POLR3B: variants seen among roughly 807,000 people sequenced by gnomAD.
POLR3B encodes DNA-directed RNA polymerase III subunit RPC2.
Under a neutral mutation model 147.4 loss-of-function variants are expected in POLR3B, and 96 were observed. The observed-to-expected ratio is 0.65, with a 90% confidence interval of 0.55 to 0.77. The LOEUF is 0.77. Among genes scored for constraint, POLR3B ranks in the 30% least tolerant of loss-of-function variants. The pLI, the probability that POLR3B is intolerant of heterozygous loss-of-function variation, is 0.00. For missense variants in POLR3B, 1,036 were observed against 1,413.5 expected, an observed-to-expected ratio of 0.73 and a Z score of 4.28; for synonymous variants, 461 against 485.9, an observed-to-expected ratio of 0.95 and a Z score of 0.67.
chr12:106,427,768 A>G (rs950470538), intron 13 of POLR3B, among the ~76,000 whole-genome samples: 2 of 152,186 alleles, frequency 1.3e-5, no homozygotes. Context: ...AAGACCTATC[A>G]GCTGTTCCTC....
chr12:106,507,641 G>T, intron 27 of POLR3B: 1 of 337,312 alleles, frequency 3.0e-6, no homozygotes, highest in Non-Finnish European at 5.8e-6. Context: ...GTTTGTATTT[G>T]TACTGTTAAC....
chr12:106,428,121 TGAG>T (rs1180413102), intron 13 of POLR3B, among the ~76,000 whole-genome samples: 1 of 152,194 alleles, frequency 6.6e-6, no homozygotes, highest in African/African-American at 2.4e-5. Context: ...CATCTAAATT[TGAG>T]GAGAACCAGG....
At position 106,370,614 on chromosome 12, in the gene POLR3B, G is replaced by GT. The variant is rs939145316; in HGVS notation, c.404+939dup. 3.9e-3 allele frequency among the ~76,000 whole-genome samples: 564 copies of GT among 145,278 alleles called. 5 individuals carry two copies. The highest frequency in any genetic ancestry group is 0.012 in the African/African-American group (461 of 39,522). On this transcript the variant is annotated intron_variant, in intron 6 of 27. Transcript: ENST00000228347. The stretch of plus-strand genomic sequence containing the variant: ...GGTTTTAGCAGGACTGTTTATCAGT[G>GT]TTTTTTTTGTTTTATTGTTTTTTTT...
chr12:106,361,431 A>C (rs774389216), intron 1 of POLR3B, among the ~76,000 whole-genome samples: 1 of 152,134 alleles, frequency 6.6e-6, no homozygotes, highest in Non-Finnish European at 1.5e-5. Context: ...TTAATTTTGG[A>C]CATACTGATC....
chr12:106,478,152 C>A (rs1015376942), intron 23 of POLR3B, among the ~76,000 whole-genome samples: 6 of 151,972 alleles, frequency 3.9e-5, no homozygotes, highest in Non-Finnish European at 8.8e-5. Flanking sequence ...GGCAATCCAT[C>A]CACCTCAGCC....
intron 27 of POLR3B, among the ~76,000 whole-genome samples, chr12:106,505,189 A>C (rs1204867146): frequency 1.3e-5 from 2 of 152,140 alleles, no homozygotes; most frequent in Non-Finnish European, 2.9e-5. Context: ...TTCCACTCTC[A>C]CCAGAGAAGA....
chr12:106,459,357 T>A lies in POLR3B; in HGVS notation c.2559T>A (p.Asp853Glu), dbSNP rs1366823798. The change falls in exon 22 of 28, where the codon GAT becomes GAA. Residue 853 changes from aspartate to glutamate, a missense_variant. Transcript: ENST00000228347. Reference sequence around the variant, plus strand: ...TACCACAGCAACCACAGTACAAAGATGTACCCATAACGTATGTATTGGTTG... The same window carrying A: ...TACCACAGCAACCACAGTACAAAGAAGTACCCATAACGTATGTATTGGTTG... ...SNVPQQPQYK[D>E]VPITYKGATD... is the part of the protein sequence containing the mutation. The A allele has an allele frequency of 6.6e-7, 1 of 1,521,810 alleles. No homozygotes were observed. Among genetic ancestry groups the A allele is most frequent in the Non-Finnish European group, 9.1e-7 (1 of 1,095,930 alleles). The allele number at this position is 1,521,810 out of a possible 1,614,324, so 94.3% of individuals were successfully genotyped here.
chr12:106,497,973 CTGTTT>C (rs2038522513), intron 25 of POLR3B, among the ~76,000 whole-genome samples: 1 of 152,172 alleles, frequency 6.6e-6, no homozygotes, highest in Admixed American at 6.5e-5. Flanking sequence ...CAGGGCTGGT[CTGTTT>C]TGTTTACTGT....
chr12:106,363,297 C>T (rs1458180597), intron 1 of POLR3B, among the ~76,000 whole-genome samples: 1 of 152,232 alleles, frequency 6.6e-6, no homozygotes, highest in African/African-American at 2.4e-5. Context: ...AGATCTCAAG[C>T]TTAACACACC....
At chr12:106,452,194 A>T (rs1324661761) in intron 19 of POLR3B, among the ~76,000 whole-genome samples, 1 of 152,180 alleles carries the variant, frequency 6.6e-6, no homozygotes, top group Non-Finnish European at 1.5e-5. Context: ...AAGTTTTATG[A>T]TATAGAATAG....
chr12:106,499,939 G>A, intron 25 of POLR3B: 3 of 348,972 alleles, frequency 8.6e-6, no homozygotes, highest in East Asian at 7.4e-5. Flanking sequence ...TCTCTGCTGT[G>A]TCTGTTGTTT....
chr12:106,463,620 G>A lies in POLR3B; in HGVS notation c.2713G>A (p.Gly905Ser). The A allele has an allele frequency of 6.2e-7, 1 of 1,611,434 alleles. No homozygotes were observed. Among genetic ancestry groups the A allele is most frequent in the Non-Finnish European group, 8.5e-7 (1 of 1,177,712 alleles). The change falls in exon 23 of 28, where the codon GGT (glycine) becomes AGT (serine). Residue 905 changes from glycine (G) to serine (S), a missense_variant and splice_region_variant. Gly to Ser is a moderately conservative substitution (Grantham distance 56). This residue lies in a region of POLR3B where 202 missense variants were observed against 272.8 expected (regional missense o/e 0.74). Coordinates refer to ENST00000228347, the MANE Select transcript of POLR3B (RefSeq NM_018082.6). ...ATTCAGCAGTCGTCATGGGCAAAAA[G>A]GTAAACTGTATCATTTCTCAACTTG... Reference protein sequence around the residue: ...DKFSSRHGQKGVCGLIVPQED... With the variant: ...DKFSSRHGQKSVCGLIVPQED...
At chr12:106,384,771 C>A (rs765828194) in intron 9 of POLR3B, among the ~76,000 whole-genome samples, 3 of 151,600 alleles carry the variant, frequency 2.0e-5, no homozygotes, top group Non-Finnish European at 2.9e-5. Flanking sequence ...TTTGTTCAGG[C>A]ATGAGTTATA....
At chr12:106,469,764 G>A (rs1003530573) in intron 23 of POLR3B, among the ~76,000 whole-genome samples, 1 of 152,228 alleles carries the variant, frequency 6.6e-6, no homozygotes, top group African/African-American at 2.4e-5. Flanking sequence ...CTTTAAGAAT[G>A]TTGAATATTG....
At chr12:106,406,900 G>A (rs900384336) in intron 11 of POLR3B, among the ~76,000 whole-genome samples, 2 of 152,190 alleles carry the variant, frequency 1.3e-5, no homozygotes, top group South Asian at 2.1e-4. Flanking sequence ...TGTTCCATCC[G>A]TGAATAATCT....
At chr12:106,406,499 A>G (rs949634484) in intron 11 of POLR3B, among the ~76,000 whole-genome samples, 7 of 152,246 alleles carry the variant, frequency 4.6e-5, no homozygotes, top group African/African-American at 7.2e-5. Flanking sequence ...TTGTACAACC[A>G]TCACCACAGC....
chr12:106,411,056 G>A, intron 12 of POLR3B, 96 bp downstream of exon 12: 1 of 1,222,592 alleles, frequency 8.2e-7, no homozygotes, highest in East Asian at 2.4e-5. Context: ...ATGAAATATA[G>A]TTTGCAGGTT....
rs750061760 is a variant in POLR3B at position 106,437,079 on chromosome 12, C to G, written c.1804C>G (p.Gln602Glu). 1 of 1,613,300 alleles carries G rather than the reference C, an allele frequency of 6.2e-7. No individual in the cohort carries two copies. Among genetic ancestry groups the G allele is most frequent in the African/African-American group, 1.3e-5 (1 of 74,912 alleles). Residue 602 changes from glutamine (Q) to glutamate (E), a missense_variant, in exon 17 of 28, where the codon CAG becomes GAG. Physicochemically the swap from Gln to Glu is conservative, Grantham distance 29. Around this residue, in one of 12 missense-constraint regions of POLR3B, gnomAD observed 177 missense variants for 232.7 expected, o/e 0.76. Transcript: ENST00000228347. ...LCRPYIIVKK[Q>E]KPAVTNKHME... is the part of the protein sequence containing the mutation. ...TAGACCCTACATAATTGTCAAGAAA[C>G]AGAAGCCAGCAGTCACAAATAAACA... is the stretch of plus-strand genomic sequence containing the variant.
intron 6 of POLR3B, among the ~76,000 whole-genome samples, chr12:106,373,678 C>G (rs1032024709): frequency 6.6e-6 from 1 of 151,892 alleles, no homozygotes; most frequent in Admixed American, 6.6e-5. Context: ...TGCTTGAACC[C>G]GGAAGGCGGA....
Sources: allele counts gnomAD v4.1 joint callset (sites outside exome capture counted in the v4.1 genomes callset), GRCh38; gene constraint gnomAD v4.1.1; regional missense constraint gnomAD v4.1.1; transcripts MANE v1.5; gene names NCBI Gene and HGNC (gene_info 2026-07-23, HGNC 2026-07-21).